The following GPC6 variants were observed in gnomAD, a reference collection of about 807,000 sequenced individuals.
GPC6 encodes the protein glypican-6.
GPC6 carries 14 observed loss-of-function variants against 55.2 expected under a neutral mutation model. The ratio of observed to expected loss-of-function variants is 0.25; its 90% CI spans 0.17 to 0.40. GPC6 has a LOEUF of 0.40. Among genes scored for constraint, GPC6 ranks in the 10% least tolerant of loss-of-function variants. The pLI, the probability that GPC6 is intolerant of heterozygous loss-of-function variation, is 1.00. For synonymous variants in GPC6, 278 were observed against 259.6 expected (o/e 1.07, Z -0.68); for missense variants, 641 against 708.5 (o/e 0.90, Z 1.08).
chr13:94,084,660 C>A (rs906252497), intron 4 of GPC6, among the ~76,000 whole-genome samples: 1 of 152,024 alleles, frequency 6.6e-6, no homozygotes, highest in Non-Finnish European at 1.5e-5. Flanking sequence ...AAGGGGAATT[C>A]TCTTTTCCAG....
At chr13:93,221,306 C>A in the GPC6 span, among the ~76,000 whole-genome samples, 4 of 152,130 alleles carry the variant, frequency 2.6e-5, no homozygotes, top group East Asian at 7.7e-4. Context: ...TATATGAAGA[C>A]TAAACATAAT....
At chr13:93,567,923 A>G (rs910112216) in intron 2 of GPC6, among the ~76,000 whole-genome samples, 1 of 152,184 alleles carries the variant, frequency 6.6e-6, no homozygotes, top group African/African-American at 2.4e-5. Flanking sequence ...TTGGCAGTCC[A>G]TAACATGCCA....
intron 3 of GPC6, among the ~76,000 whole-genome samples, chr13:93,992,999 CTT>C (rs1340628087): frequency 4.3e-5 from 5 of 116,484 alleles, no homozygotes; most frequent in Non-Finnish European, 2.1e-5. Flanking sequence ...CATCTGATTT[CTT>C]TTTGACGGAA....
At chr13:94,105,293 A>G (rs1306437310) in intron 4 of GPC6, among the ~76,000 whole-genome samples, 1 of 152,184 alleles carries the variant, frequency 6.6e-6, no homozygotes, top group Non-Finnish European at 1.5e-5. Context: ...CAAGAGTTTG[A>G]GGCTGCAGTG....
At chr13:94,010,729 T>A (rs1224309378) in intron 3 of GPC6, among the ~76,000 whole-genome samples, 1 of 152,178 alleles carries the variant, frequency 6.6e-6, no homozygotes, top group Non-Finnish European at 1.5e-5. Flanking sequence ...GAAGTATTCT[T>A]AGAACTCAGT....
chr13:93,355,395 T>C (rs147061033), intron 1 of GPC6, among the ~76,000 whole-genome samples: 4 of 152,300 alleles, frequency 2.6e-5, no homozygotes, highest in African/African-American at 9.6e-5. Flanking sequence ...AGCTGTATTA[T>C]TCCAGTCAAG....
chr13:94,154,794 G>A (rs1241723678), intron 4 of GPC6, among the ~76,000 whole-genome samples: 3 of 152,140 alleles, frequency 2.0e-5, no homozygotes, highest in Non-Finnish European at 2.9e-5. Context: ...TTCTCCTGAG[G>A]TTTTAACACA....
rs575715282 is a variant in GPC6 at position 93,261,054 on chromosome 13, G to C, written c.160+33438G>C. Among the ~76,000 whole-genome samples, 8 of 152,158 alleles carry C rather than the reference G, an allele frequency of 5.3e-5. No homozygotes were observed. The South Asian group carries it at 1.5e-3, about 28-fold the overall frequency. Reference sequence around the variant, plus strand: ...CTAATACCAGATAATTTTTCCAAAAGGAAAGTAGTTTCTTATTCCTCTAGA... The same window carrying C: ...CTAATACCAGATAATTTTTCCAAAACGAAAGTAGTTTCTTATTCCTCTAGA... On this transcript the variant is annotated intron_variant, in intron 1 of 8. Coordinates refer to ENST00000377047, the MANE Select transcript of GPC6 (RefSeq NM_005708.5).
chr13:93,875,031 A>AAG (rs937467425), intron 3 of GPC6, among the ~76,000 whole-genome samples: 3 of 151,924 alleles, frequency 2.0e-5, no homozygotes, highest in African/African-American at 7.3e-5. Flanking sequence ...AAGTTCTCAA[A>AAG]AGAGAGAGAG....
chr13:93,317,312 A>G (rs1252245064), intron 1 of GPC6, among the ~76,000 whole-genome samples: 1 of 152,136 alleles, frequency 6.6e-6, no homozygotes, highest in African/African-American at 2.4e-5. Context: ...AGACACCTCA[A>G]TGTTTTCCTG....
At chr13:93,753,726 C>T (rs940586326) in intron 2 of GPC6, among the ~76,000 whole-genome samples, 5 of 152,068 alleles carry the variant, frequency 3.3e-5, no homozygotes, top group African/African-American at 1.2e-4. Context: ...AACCCCTCCA[C>T]CAACCACCCA....
At chr13:93,276,172 C>T (rs746731321) in intron 1 of GPC6, among the ~76,000 whole-genome samples, 4 of 152,104 alleles carry the variant, frequency 2.6e-5, no homozygotes, top group Admixed American at 6.5e-5. Flanking sequence ...CCGCGCCCAG[C>T]GAGAATTTTT....
chr13:94,237,592 G>A (rs894471922), intron 4 of GPC6, among the ~76,000 whole-genome samples: 1 of 152,154 alleles, frequency 6.6e-6, no homozygotes, highest in Non-Finnish European at 1.5e-5. Flanking sequence ...ACAAGGAGAC[G>A]AAGAGCATTT....
chr13:93,295,109 CAAAAAA>C (rs71202577), intron 1 of GPC6, among the ~76,000 whole-genome samples: 15 of 61,828 alleles, frequency 2.4e-4, no homozygotes, highest in Non-Finnish European at 3.4e-4. Context: ...TCTGTCTCTG[CAAAAAA>C]AAAAAAAAAA....
At chr13:93,289,941 C>T (rs1277413733) in intron 1 of GPC6, among the ~76,000 whole-genome samples, 2 of 152,124 alleles carry the variant, frequency 1.3e-5, no homozygotes, top group African/African-American at 4.8e-5. Context: ...GGCACATGGA[C>T]TCACAGAGTA....
intron 1 of GPC6, among the ~76,000 whole-genome samples, chr13:93,368,300 TCTCCTTCC>T (rs1204599641): frequency 4.1e-3 from 294 of 72,348 alleles, no homozygotes; most frequent in African/African-American, 7.6e-3. Context: ...TCCCTCCCTC[TCTCCTTCC>T]CTCCTTCCCT....
At chr13:93,483,849 C>G (rs556663869) in intron 1 of GPC6, among the ~76,000 whole-genome samples, 53 of 152,208 alleles carry the variant, frequency 3.5e-4, no homozygotes, top group African/African-American at 1.1e-3. Flanking sequence ...TCACATTTCT[C>G]CCTAACACAG....
intron 7 of GPC6, among the ~76,000 whole-genome samples, chr13:94,387,608 T>C (rs1202134149): frequency 4.6e-5 from 7 of 152,292 alleles, no homozygotes; most frequent in South Asian, 2.1e-4. Context: ...CGAAAATTCA[T>C]AGTTGAAATC....
At chr13:93,632,652 G>A (rs1199898275) in intron 2 of GPC6, among the ~76,000 whole-genome samples, 1 of 85,446 alleles carries the variant, frequency 1.2e-5, no homozygotes, top group Admixed American at 1.2e-4. Context: ...AATAAAAACT[G>A]TTTTCCAAAT....
Sources: allele counts gnomAD v4.1 joint callset (sites outside exome capture counted in the v4.1 genomes callset), GRCh38; gene constraint gnomAD v4.1.1; transcripts MANE v1.5; gene names NCBI Gene and HGNC (gene_info 2026-07-23, HGNC 2026-07-21).